Variants in TBC1D22A observed in about 807,000 individuals in gnomAD.
TBC1D22A encodes the protein putative GTPase activator.
Under a neutral mutation model 60.2 loss-of-function variants are expected in TBC1D22A, and 38 were observed. That is an observed-to-expected ratio of 0.63 (90% confidence interval 0.49 to 0.83). TBC1D22A has a LOEUF of 0.83. Ranked by LOEUF, TBC1D22A falls within the 40% of genes least tolerant of loss-of-function variation. TBC1D22A has a pLI of 0.00. For synonymous variants in TBC1D22A, 302 were observed against 281.7 expected (o/e 1.07, Z -0.72); for missense variants, 628 against 701.0 (o/e 0.90, Z 1.18).
intron 3 of TBC1D22A, 90 bp from the exon 4 acceptor site, chr22:46,797,354 G>A (rs2084698571): frequency 1.2e-5 from 17 of 1,434,146 alleles, no homozygotes; most frequent in Non-Finnish European, 1.4e-5. Flanking sequence ...GGACCCATCA[G>A]CATTCACAAA....
chr22:46,940,949 G>A (rs1308264779), intron 8 of TBC1D22A, among the ~76,000 whole-genome samples: 2 of 143,008 alleles, frequency 1.4e-5, no homozygotes, highest in South Asian at 2.2e-4. Flanking sequence ...TGAACAGCAT[G>A]GGGACTGAGG....
chr22:46,932,826 G>A (rs1270808412), intron 8 of TBC1D22A, among the ~76,000 whole-genome samples: 4 of 146,908 alleles, frequency 2.7e-5, no homozygotes, highest in Non-Finnish European at 5.9e-5. Flanking sequence ...CCAGGTTCAA[G>A]CAATTCTCCT....
At chr22:47,121,408 C>T (rs1601581543) in intron 12 of TBC1D22A, among the ~76,000 whole-genome samples, 1 of 152,186 alleles carries the variant, frequency 6.6e-6, no homozygotes, top group African/African-American at 2.4e-5. Context: ...GCATATCCAG[C>T]TCTCGGGGTA....
At chr22:47,005,027 A>G (rs912292767) in intron 10 of TBC1D22A, among the ~76,000 whole-genome samples, 1 of 151,608 alleles carries the variant, frequency 6.6e-6, no homozygotes, top group African/African-American at 2.4e-5. Flanking sequence ...CTATACATAT[A>G]GACAGGCCTA....
intron 4 of TBC1D22A, among the ~76,000 whole-genome samples, chr22:46,850,191 G>A (rs534323543): frequency 1.6e-4 from 24 of 152,256 alleles, no homozygotes; most frequent in African/African-American, 5.5e-4. Context: ...TGAGGGGCAC[G>A]CAGGAGGGCC....
intron 11 of TBC1D22A, among the ~76,000 whole-genome samples, chr22:47,101,263 T>G (rs2065403647): frequency 6.6e-6 from 1 of 152,174 alleles, no homozygotes; most frequent in Non-Finnish European, 1.5e-5. Flanking sequence ...GACACCTGAG[T>G]GTTTCCTCTG....
intron 1 of TBC1D22A, chr22:46,774,077 C>T (rs1051486882): frequency 2.0e-6 from 2 of 985,496 alleles, no homozygotes; most frequent in South Asian, 4.7e-5. Context: ...AGGTGTTCCT[C>T]CCGCCCCCGC....
At chr22:46,989,810 T>C (rs537774984) in intron 9 of TBC1D22A, among the ~76,000 whole-genome samples, 1 of 149,352 alleles carries the variant, frequency 6.7e-6, no homozygotes, top group African/African-American at 2.5e-5. Context: ...ATATATATTA[T>C]TTTTTATTTT....
At chr22:46,924,404 C>A (rs2070928443) in intron 8 of TBC1D22A, among the ~76,000 whole-genome samples, 1 of 152,216 alleles carries the variant, frequency 6.6e-6, no homozygotes, top group Non-Finnish European at 1.5e-5. Context: ...TTAAATTACT[C>A]TTGAAAGCAA....
chr22:47,072,491 G>A, intron 11 of TBC1D22A, among the ~76,000 whole-genome samples: 1 of 152,362 alleles, frequency 6.6e-6, no homozygotes, highest in African/African-American at 2.4e-5. Context: ...CTTCCCCTGA[G>A]AGCTTGCCTG....
chr22:47,127,635 C>T (rs73889410), intron 12 of TBC1D22A, among the ~76,000 whole-genome samples: 3,052 of 152,108 alleles, frequency 0.02, 108 homozygotes, highest in African/African-American at 0.07. Flanking sequence ...CCACTGCCGT[C>T]GGGGAAGGCG....
chr22:46,792,162 G>C (rs751288750), intron 1 of TBC1D22A, among the ~76,000 whole-genome samples: 2 of 152,234 alleles, frequency 1.3e-5, no homozygotes, highest in Non-Finnish European at 2.9e-5. Context: ...GTTTCTTCGA[G>C]TTTTTAGTCT....
chr22:47,017,362 G>A (rs575846653), intron 10 of TBC1D22A, among the ~76,000 whole-genome samples: 9 of 152,292 alleles, frequency 5.9e-5, no homozygotes, highest in South Asian at 4.2e-4. Context: ...TGCGGTCTCC[G>A]GGCTCAGGTG....
chr22:46,805,475 A>G (rs1392118397), intron 4 of TBC1D22A, among the ~76,000 whole-genome samples: 1 of 152,236 alleles, frequency 6.6e-6, no homozygotes, highest in Non-Finnish European at 1.5e-5. Flanking sequence ...TGATGTCCTC[A>G]GGATCTAAGC....
chr22:46,858,464 C>CG lies in TBC1D22A; in HGVS notation c.638-20189_638-20188insG, dbSNP rs199869209. On this transcript the variant is annotated intron_variant, in intron 4 of 12. Coordinates refer to ENST00000337137, the MANE Select transcript of TBC1D22A (RefSeq NM_014346.5). Reference sequence around the variant, plus strand: ...GGCTTTGTTTCTTGTGGCAAACACCCCCCCCAGCTCTGATCCATGTGTATC... The same window carrying CG: ...GGCTTTGTTTCTTGTGGCAAACACCCGCCCCCAGCTCTGATCCATGTGTATC... 3.6e-3 allele frequency among the ~76,000 whole-genome samples: 542 copies of CG among 152,142 alleles called. 5 individuals are homozygous for CG. The highest frequency in any genetic ancestry group is 0.012 in the African/African-American group (517 of 41,458).
intron 11 of TBC1D22A, among the ~76,000 whole-genome samples, chr22:47,108,975 G>A (rs142334342): frequency 0.014 from 2,193 of 152,308 alleles, 17 homozygotes; most frequent in Middle Eastern, 0.058. Context: ...AATTACAGGC[G>A]TGAGCCACTG....
At chr22:46,976,202 C>T (rs570181564) in intron 9 of TBC1D22A, among the ~76,000 whole-genome samples, 1 of 152,252 alleles carries the variant, frequency 6.6e-6, no homozygotes, top group East Asian at 1.9e-4. Flanking sequence ...ACAATGAAAT[C>T]GATGCTGGCT....
At chr22:46,995,356 C>T (rs1602883063) in intron 9 of TBC1D22A, among the ~76,000 whole-genome samples, 1 of 152,326 alleles carries the variant, frequency 6.6e-6, no homozygotes. Flanking sequence ...AGAAATCCCT[C>T]AGCAAGCCGG....
rs138426880 is a variant in TBC1D22A at position 46,776,807 on chromosome 22, A to G, written c.62+13959A>G. Among the ~76,000 whole-genome samples the G allele has an allele frequency of 8.2e-3, 1,254 of 152,116 alleles. 6 individuals are homozygous for G. Among genetic ancestry groups the G allele is most frequent in the Middle Eastern group, 0.031 (9 of 294 alleles). ...AAGGTGGGAAAAAAGAGCCCTCCCG[A>G]GAGGGGATGTGTGAGCCGAGAGGGG... On this transcript the variant is annotated intron_variant, in intron 1 of 12. Coordinates refer to ENST00000337137, the MANE Select transcript of TBC1D22A (RefSeq NM_014346.5).
Sources: allele counts gnomAD v4.1 joint callset (sites outside exome capture counted in the v4.1 genomes callset), GRCh38; gene constraint gnomAD v4.1.1; transcripts MANE v1.5; gene names NCBI Gene and HGNC (gene_info 2026-07-23, HGNC 2026-07-21).